The following HERC3 variants were observed in gnomAD, a reference collection of about 807,000 sequenced individuals.
The protein encoded by HERC3 is probable E3 ubiquitin-protein ligase HERC3.
A neutral mutation model predicts 129.9 loss-of-function variants in HERC3; 58 were observed. The observed-to-expected ratio is 0.45, with a 90% CI of 0.36 to 0.56. The LOEUF (loss-of-function observed/expected upper bound fraction) is 0.56. Among genes scored for constraint, HERC3 ranks in the 20% least tolerant of loss-of-function variants. The pLI, the probability that HERC3 is intolerant of heterozygous loss-of-function variation, is 0.00. For missense variants in HERC3, 835 were observed against 1,244.2 expected, an observed-to-expected ratio of 0.67 and a Z score of 4.95; for synonymous variants, 430 against 451.0, an observed-to-expected ratio of 0.95 and a Z score of 0.59.
chr4:88,705,367 A>G (rs943845966), intron 25 of HERC3, among the ~76,000 whole-genome samples: 2 of 152,216 alleles, frequency 1.3e-5, no homozygotes, highest in African/African-American at 4.8e-5. Context: ...ATACTCATTT[A>G]AAGTGTATAT....
intron 2 of HERC3, among the ~76,000 whole-genome samples, chr4:88,599,690 C>T (rs1325991209): frequency 6.6e-6 from 1 of 152,164 alleles, no homozygotes; most frequent in Non-Finnish European, 1.5e-5. Context: ...GCTTTGGTTA[C>T]CTGGTCACAG....
the HERC3 span, among the ~76,000 whole-genome samples, chr4:88,525,540 G>C: frequency 6.6e-6 from 1 of 152,168 alleles, no homozygotes; most frequent in Non-Finnish European, 1.5e-5. Flanking sequence ...TATCAACTGG[G>C]TTTTCTAACC....
chr4:88,582,618 C>T, the HERC3 span, among the ~76,000 whole-genome samples: 1 of 152,128 alleles, frequency 6.6e-6, no homozygotes, highest in South Asian at 2.1e-4. Context: ...AGATTAGTCA[C>T]GAGTAAAGAT....
the HERC3 span, among the ~76,000 whole-genome samples, chr4:88,542,592 C>A: frequency 6.6e-6 from 1 of 152,198 alleles, no homozygotes; most frequent in Non-Finnish European, 1.5e-5. Flanking sequence ...TTTTATGAGG[C>A]CAGCATCATC....
intron 3 of HERC3, among the ~76,000 whole-genome samples, chr4:88,631,537 T>G (rs1018096133): frequency 1.3e-5 from 2 of 152,248 alleles, no homozygotes; most frequent in Non-Finnish European, 2.9e-5. Flanking sequence ...AAGATTTGGC[T>G]TAATGATTGT....
At chr4:88,688,369 C>T (rs1733704013) in intron 23 of HERC3, among the ~76,000 whole-genome samples, 1 of 152,080 alleles carries the variant, frequency 6.6e-6, no homozygotes, top group African/African-American at 2.4e-5. Context: ...AGAAAGATTA[C>T]TTTGGGGGTC....
chr4:88,676,018 A>G (rs1336560056), intron 16 of HERC3, among the ~76,000 whole-genome samples, 200 bp from the exon 17 acceptor site: 1 of 152,144 alleles, frequency 6.6e-6, no homozygotes, highest in Non-Finnish European at 1.5e-5. Context: ...ATGTTTTTTA[A>G]TTGCTTTTGC....
the HERC3 span, among the ~76,000 whole-genome samples, chr4:88,534,289 G>A: frequency 6.6e-6 from 1 of 152,168 alleles, no homozygotes; most frequent in Non-Finnish European, 1.5e-5. Context: ...TATTTTTGAT[G>A]GTTACAACTG....
intron 3 of HERC3, among the ~76,000 whole-genome samples, chr4:88,643,037 TA>T (rs1293183821): frequency 3.9e-5 from 6 of 152,182 alleles, no homozygotes; most frequent in African/African-American, 1.4e-4. Context: ...AAAAAACTAT[TA>T]GTTAAATTTG....
the HERC3 span, among the ~76,000 whole-genome samples, chr4:88,563,846 C>G: frequency 1.3e-4 from 20 of 151,870 alleles, no homozygotes; most frequent in African/African-American, 4.6e-4. Context: ...TTAGTAGAGA[C>G]AGGGTTTCAC....
At chr4:88,595,912 G>A (rs571006713) in intron 2 of HERC3, among the ~76,000 whole-genome samples, 2 of 145,738 alleles carry the variant, frequency 1.4e-5, no homozygotes, top group African/African-American at 5.3e-5. Context: ...GCAGTGGCGG[G>A]ATCTCGGCTC....
chr4:88,707,170 G>A lies in HERC3; in HGVS notation c.*210G>A, dbSNP rs548920058. ...AGGTTGGGGATGGGGTGAAAAATTG[G>A]CCCTTGTATGGGAGGTGTTTTTGTT... On this transcript the variant is annotated 3_prime_UTR_variant, in exon 26 of 26. Coordinates refer to ENST00000402738, the MANE Select transcript of HERC3 (RefSeq NM_014606.3). 1.6e-5 allele frequency: 9 copies of A among 566,992 alleles called. No homozygotes were observed. The East Asian group carries it at 2.7e-4, about 17-fold the overall frequency. 35.1% of individuals were successfully genotyped at this position (566,992 alleles called of 1,614,324 possible). A position where few individuals can be genotyped will look rare whatever the true frequency, so the allele number is the denominator to read the frequency against.
chr4:88,690,628 T>C lies in HERC3; in HGVS notation c.2657+3329T>C, dbSNP rs984056907. On this transcript the variant is annotated intron_variant, in intron 23 of 25. Coordinates refer to ENST00000402738, the MANE Select transcript of HERC3 (RefSeq NM_014606.3). ...GGAAATGAATGACCTAGTGCAGGAA[T>C]AGGCAATTGGCAATGTAGTCTGCAA... The C allele has an allele frequency of 2.0e-5, 20 of 984,990 alleles. No homozygotes were observed. The South Asian group carries it at 2.8e-4, about 14-fold the overall frequency. The allele number at this position is 984,990 out of a possible 1,614,324, so 61.0% of individuals were successfully genotyped here.
chr4:88,549,675 T>C, the HERC3 span, among the ~76,000 whole-genome samples: 1 of 152,240 alleles, frequency 6.6e-6, no homozygotes, highest in East Asian at 1.9e-4. Flanking sequence ...AAGTATTCCA[T>C]GGTGTATATG....
At chr4:88,571,477 T>A in the HERC3 span, among the ~76,000 whole-genome samples, 1 of 152,082 alleles carries the variant, frequency 6.6e-6, no homozygotes, top group East Asian at 1.9e-4. Context: ...TATTCAAAGG[T>A]TTCTTCTGAA....
At chr4:88,685,926 A>G (rs1033833476) in intron 21 of HERC3, among the ~76,000 whole-genome samples, 7 of 152,120 alleles carry the variant, frequency 4.6e-5, no homozygotes, top group African/African-American at 1.4e-4. Context: ...TTCACTGGTT[A>G]ACATTAGGAA....
chr4:88,552,140 G>A, the HERC3 span, among the ~76,000 whole-genome samples: 7,600 of 150,500 alleles, frequency 0.05, 466 homozygotes, highest in East Asian at 0.28. Context: ...GTTGTGGGGT[G>A]GGGGGAGGCG....
chr4:88,533,841 G>A, the HERC3 span, among the ~76,000 whole-genome samples: 2 of 151,776 alleles, frequency 1.3e-5, no homozygotes, highest in Non-Finnish European at 1.5e-5. Flanking sequence ...CTTCTTTATC[G>A]TTCTTACTGG....
chr4:88,570,529 GTTAA>G, the HERC3 span, among the ~76,000 whole-genome samples: 2 of 152,114 alleles, frequency 1.3e-5, no homozygotes, highest in African/African-American at 4.8e-5. Context: ...TCAGATTGTG[GTTAA>G]TTGTTTCATC....
Sources: gnomAD v4.1 joint callset for allele counts (sites outside exome capture counted in the v4.1 genomes callset) on GRCh38, gnomAD v4.1.1 for gene constraint, MANE v1.5 for transcripts, NCBI Gene and HGNC (gene_info 2026-07-23, HGNC 2026-07-21) for gene names.